The following TENT2 variants were observed in gnomAD, a reference collection of about 807,000 sequenced individuals.
The protein encoded by TENT2 is terminal nucleotidyltransferase 2, also known as poly(A) RNA polymerase GLD2.
Under a neutral mutation model 72.2 loss-of-function variants are expected in TENT2, and 44 were observed. The observed-to-expected ratio is 0.61, with a 90% CI of 0.48 to 0.78. The LOEUF (loss-of-function observed/expected upper bound fraction) is 0.78. Ranked by LOEUF, TENT2 falls within the 30% of genes least tolerant of loss-of-function variation. TENT2 has a pLI of 0.00. For missense variants in TENT2, 541 were observed against 569.6 expected (o/e 0.95, Z 0.51); for synonymous variants, 212 against 192.5 (o/e 1.10, Z -0.84).
intron 14 of TENT2, among the ~76,000 whole-genome samples, chr5:79,683,881 G>A (rs564865914): frequency 6.2e-5 from 7 of 112,900 alleles, no homozygotes; most frequent in South Asian, 5.9e-4. Context: ...CCGAGATCCC[G>A]CCACTGCACT....
chr5:79,643,724 C>G (rs1948763), intron 7 of TENT2, among the ~76,000 whole-genome samples: 1 of 151,824 alleles, frequency 6.6e-6, no homozygotes, highest in Non-Finnish European at 1.5e-5. Context: ...TTCATACCTA[C>G]TTGAATTTTT....
Position 79,668,972 on chromosome 5 carries a change from A to G in TENT2, c.1152A>G (p.Glu384=). 2 of 1,613,884 alleles carry G rather than the reference A, an allele frequency of 1.2e-6. No homozygotes were observed. Among genetic ancestry groups the G allele is most frequent in the Non-Finnish European group, 1.7e-6 (2 of 1,179,866 alleles). The change falls in exon 12 of 15, where the codon GAA becomes GAG. Residue 384 remains glutamate, a synonymous_variant. Transcript: ENST00000453514. ...TTCCTCCTTACCTCTCAAAGAATGA[A>G]TCAAACCTTGGGGACCTCTTACTGG... ...CNVPPYLSKN[E]SNLGDLLLGF... is the part of the protein sequence containing the mutation.
At chr5:79,679,886 A>T (rs1820376365) in intron 13 of TENT2, among the ~76,000 whole-genome samples, 3 of 152,196 alleles carry the variant, frequency 2.0e-5, no homozygotes. Flanking sequence ...CTAGTTGGTA[A>T]GATTCGAGCT....
At chr5:79,661,404 TATC>T (rs899737032) in intron 11 of TENT2, among the ~76,000 whole-genome samples, 136 of 152,306 alleles carry the variant, frequency 8.9e-4, no homozygotes, top group Middle Eastern at 3.4e-3. Context: ...CACACATACT[TATC>T]ATTGTGTTAC....
intron 13 of TENT2, among the ~76,000 whole-genome samples, chr5:79,680,979 T>C (rs1821213380): frequency 6.6e-6 from 1 of 151,942 alleles, no homozygotes; most frequent in Non-Finnish European, 1.5e-5. Flanking sequence ...CTTTTGTGGG[T>C]GAAAGGTGAG....
chr5:79,655,936 A>G (rs952270512), intron 10 of TENT2, among the ~76,000 whole-genome samples: 6 of 151,910 alleles, frequency 3.9e-5, no homozygotes, highest in Admixed American at 2.6e-4. Flanking sequence ...GAGACCGTGT[A>G]AGTTGGTCAT....
chr5:79,617,048 C>T (rs950711994), intron 1 of TENT2, among the ~76,000 whole-genome samples: 7 of 151,518 alleles, frequency 4.6e-5, no homozygotes, highest in African/African-American at 1.7e-4. Flanking sequence ...TTTTCCAGCC[C>T]TCCTAGTCAC....
chr5:79,649,723 G>A (rs1251253838), intron 10 of TENT2, among the ~76,000 whole-genome samples: 3 of 151,960 alleles, frequency 2.0e-5, no homozygotes, highest in Non-Finnish European at 2.9e-5. Context: ...TACTTTTGTC[G>A]CATGCATAGT....
At chr5:79,633,298 G>A (rs1195556153) in intron 4 of TENT2, among the ~76,000 whole-genome samples, 6 of 151,858 alleles carry the variant, frequency 4.0e-5, no homozygotes, top group African/African-American at 7.3e-5. Context: ...ATAATGACCT[G>A]TTTTCTGGAC....
chr5:79,648,453 A>G (rs1250952662), intron 8 of TENT2, among the ~76,000 whole-genome samples, 164 bp from the exon 9 acceptor site: 1 of 152,186 alleles, frequency 6.6e-6, no homozygotes, highest in Non-Finnish European at 1.5e-5. Context: ...GTATTTGTTC[A>G]TTCTTATTTC....
chr5:79,675,106 A>T lies in TENT2; in HGVS notation c.1209-4473A>T, dbSNP rs369394241. Among the ~76,000 whole-genome samples, 6 of 152,316 alleles carry T rather than the reference A, an allele frequency of 3.9e-5. No homozygotes were observed. In the East Asian group the frequency reaches 1.2e-3, roughly 29 times the overall value. ...GAGCAGAAAAAAACAGGGTAAAATT[A>T]GAGTGTTAAGTGGAGTCCAGTTTTT... On this transcript the variant is annotated intron_variant, in intron 12 of 14. Transcript: ENST00000453514.
chr5:79,668,153 A>C (rs998967992), intron 11 of TENT2, among the ~76,000 whole-genome samples: 1 of 152,122 alleles, frequency 6.6e-6, no homozygotes, highest in African/African-American at 2.4e-5. Context: ...ATGGGATAAC[A>C]TAGGAAAACA....
rs1358100580 is a variant in TENT2, at chr5:79,649,085, G to A, written c.922G>A (p.Val308Met). Residue 308 changes from valine to methionine, a missense_variant, in exon 10 of 15, where the codon GTG becomes ATG. Transcript: ENST00000453514. ...AGTTGAAAATCGAGTTCGTCCGTTAGTGCTGGTGATTAAGAAGTGGGCAAG... is the reference window on the plus strand; with the variant it reads ...AGTTGAAAATCGAGTTCGTCCGTTAATGCTGGTGATTAAGAAGTGGGCAAG... Reference protein sequence around the residue: ...AYLENRVRPLVLVIKKWASHH... With the variant: ...AYLENRVRPLMLVIKKWASHH... The A allele has an allele frequency of 3.7e-6, 6 of 1,613,334 alleles. No homozygotes were observed. The highest frequency in any genetic ancestry group is 2.7e-5 in the African/African-American group (2 of 74,906).
At chr5:79,614,882 G>A (rs1011201506) in intron 1 of TENT2, among the ~76,000 whole-genome samples, 24 of 152,044 alleles carry the variant, frequency 1.6e-4, no homozygotes, top group African/African-American at 4.6e-4. Context: ...ATTAGAAAAA[G>A]GCATAGAAAT....
intron 11 of TENT2, among the ~76,000 whole-genome samples, chr5:79,659,556 GTATATATATATATATATATA>G (rs71855117): frequency 1.1e-3 from 36 of 34,278 alleles, no homozygotes; most frequent in East Asian, 5.9e-3. Context: ...AAAAAAAAAT[GTATATATATATATATATATA>G]TATATATATA....
intron 11 of TENT2, 71 bp from the exon 12 acceptor site, chr5:79,668,821 C>T: frequency 6.8e-7 from 1 of 1,474,652 alleles, no homozygotes; most frequent in East Asian, 2.3e-5. Flanking sequence ...GAGCCTAGTT[C>T]AGGATTTATA....
intron 8 of TENT2, among the ~76,000 whole-genome samples, 191 bp from the exon 9 acceptor site, chr5:79,648,426 T>C (rs953367570): frequency 3.3e-5 from 5 of 152,242 alleles, no homozygotes; most frequent in African/African-American, 1.2e-4. Context: ...TCAGATCACA[T>C]TGAAATAACA....
rs759399560 is a variant in TENT2, at chr5:79,612,756, C to T, written c.-357C>T. On this transcript the variant is annotated 5_prime_UTR_variant, in exon 1 of 15. Transcript: ENST00000453514. ...TGCGGGTAGGCCCTGCTTAGCCCTT[C>T]CCGGAGGACACCTGTGAGTTTAGGG... is the stretch of plus-strand genomic sequence containing the variant. 6.6e-6 allele frequency: 1 copy of T among 152,464 alleles called. No individual in the cohort carries two copies. Among genetic ancestry groups the T allele is most frequent in the Non-Finnish European group, 1.5e-5 (1 of 68,134 alleles). The allele number at this position is 152,464 out of a possible 1,614,324, so 9.4% of individuals were successfully genotyped here. A position where few individuals can be genotyped will look rare whatever the true frequency, so the allele number is the denominator to read the frequency against.
chr5:79,644,530 T>C (rs1787200991), intron 7 of TENT2: 1 of 152,206 alleles, frequency 6.6e-6, no homozygotes, highest in Admixed American at 6.5e-5. Flanking sequence ...TTATATGTTG[T>C]ATATGATATA....
Sources: gnomAD v4.1 joint callset for allele counts (sites outside exome capture counted in the v4.1 genomes callset) on GRCh38, gnomAD v4.1.1 for gene constraint, MANE v1.5 for transcripts, NCBI Gene and HGNC (gene_info 2026-07-23, HGNC 2026-07-21) for gene names.